Variants in U2SURP observed in about 807,000 individuals in gnomAD.
The protein encoded by U2SURP is U2 snRNP-associated SURP motif-containing protein.
Under a neutral mutation model 144.9 loss-of-function variants are expected in U2SURP, and 9 were observed. The ratio of observed to expected loss-of-function variants is 0.06; its 90% CI spans 0.04 to 0.11. The LOEUF is 0.11. Ranked by LOEUF, U2SURP falls within the 10% of genes least tolerant of loss-of-function variation. The pLI, the probability that U2SURP is intolerant of heterozygous loss-of-function variation, is 1.00. For synonymous variants in U2SURP, 408 were observed against 396.8 expected, an observed-to-expected ratio of 1.03 and a Z score of -0.33; for missense variants, 724 against 1,226.7, an observed-to-expected ratio of 0.59 and a Z score of 6.12.
intron 17 of U2SURP, 48 bp downstream of exon 17, chr3:143,032,994 G>T: frequency 6.3e-7 from 1 of 1,576,166 alleles, no homozygotes; most frequent in Non-Finnish European, 8.6e-7. Flanking sequence ...ACGTCTTTTG[G>T]GATTAGAATT....
rs1334914531 is a variant in U2SURP, at chr3:143,049,209, C to T, written c.2545-1730C>T. Among the ~76,000 whole-genome samples, 23 of 137,944 alleles carry T rather than the reference C, an allele frequency of 1.7e-4. No homozygotes were observed. In the Admixed American group the frequency reaches 1.7e-3, roughly 10 times the overall value. The allele number at this position is 137,944 out of a possible 152,430, so 90.5% of individuals were successfully genotyped here. A position where few individuals can be genotyped will look rare whatever the true frequency, so the allele number is the denominator to read the frequency against. ...TGAACCTGGGAGGTGGAGGTTGCAG[C>T]GAGCCGAGATTGTGCCACTGCACTC... is the stretch of plus-strand genomic sequence containing the variant. On this transcript the variant is annotated intron_variant, in intron 24 of 27. Transcript: ENST00000473835.
In U2SURP at chr3:143,059,351, C is replaced by T. The variant is rs940345632; in HGVS notation, c.*2901C>T. 6.6e-6 allele frequency: 1 copy of T among 152,312 alleles called. No individual in the cohort carries two copies. The highest frequency in any genetic ancestry group is 2.4e-5 in the African/African-American group (1 of 41,408). 9.4% of individuals were successfully genotyped at this position (152,312 alleles called of 1,614,324 possible). On this transcript the variant is annotated 3_prime_UTR_variant, in exon 28 of 28. Transcript: ENST00000473835. Reference sequence around the variant, plus strand: ...TGGGCTTACCCTGAGACTTTTATCCCAATTAGTGAATCTTGGAGGGAATAC... The same window carrying T: ...TGGGCTTACCCTGAGACTTTTATCCTAATTAGTGAATCTTGGAGGGAATAC...
chr3:143,004,853 T>C (rs1220991976), intron 1 of U2SURP, among the ~76,000 whole-genome samples: 1 of 152,132 alleles, frequency 6.6e-6, no homozygotes, highest in East Asian at 1.9e-4. Context: ...ATCACTAGTC[T>C]AAAATATTGC....
intron 27 of U2SURP, among the ~76,000 whole-genome samples, chr3:143,055,473 A>T (rs1935105130): frequency 6.6e-6 from 1 of 152,144 alleles, no homozygotes; most frequent in African/African-American, 2.4e-5. Context: ...TTTCCCCCAT[A>T]GCAATATTAT....
intron 1 of U2SURP, among the ~76,000 whole-genome samples, chr3:143,009,409 C>A (rs1040234879): frequency 2.6e-5 from 4 of 151,884 alleles, no homozygotes; most frequent in African/African-American, 9.7e-5. Context: ...ACCAGCCTGG[C>A]CAACGTGGTA....
chr3:143,016,641 A>G (rs564417587), intron 5 of U2SURP, among the ~76,000 whole-genome samples: 147 of 152,276 alleles, frequency 9.7e-4, no homozygotes, highest in African/African-American at 3.2e-3. Flanking sequence ...ACTTGTCACA[A>G]ATTTTAATAT....
At chr3:143,015,617 A>G (rs1057006152) in intron 4 of U2SURP, among the ~76,000 whole-genome samples, 1 of 152,034 alleles carries the variant, frequency 6.6e-6, no homozygotes, top group African/African-American at 2.4e-5. Flanking sequence ...TCATTTATTG[A>G]AAAGTTTGTC....
intron 16 of U2SURP, among the ~76,000 whole-genome samples, chr3:143,030,755 A>T (rs1351492327): frequency 6.6e-6 from 1 of 152,124 alleles, no homozygotes; most frequent in Non-Finnish European, 1.5e-5. Context: ...GCCATTAAGA[A>T]CATTTGTGGG....
At position 143,057,909 on chromosome 3, in the gene U2SURP, G is replaced by T. The variant is rs1386113973; in HGVS notation, c.*1459G>T. The T allele has an allele frequency of 6.6e-6, 1 of 152,342 alleles. No individual in the cohort carries two copies. The highest frequency in any genetic ancestry group is 1.5e-5 in the Non-Finnish European group (1 of 67,856). The allele number at this position is 152,342 out of a possible 1,614,324, so 9.4% of individuals were successfully genotyped here. Reference sequence around the variant, plus strand: ...CAGTGAGATACACTATTTCCAAACGGTGCACACCTACAGTAGCTTTGGAAA... The same window carrying T: ...CAGTGAGATACACTATTTCCAAACGTTGCACACCTACAGTAGCTTTGGAAA... On this transcript the variant is annotated 3_prime_UTR_variant, in exon 28 of 28. Transcript: ENST00000473835.
In U2SURP at chr3:143,059,918, A is replaced by C. The variant is rs1043866787; in HGVS notation, c.*3468A>C. 1.3e-5 allele frequency: 2 copies of C among 152,366 alleles called. No homozygotes were observed. Among genetic ancestry groups the C allele is most frequent in the Non-Finnish European group, 2.9e-5 (2 of 67,852 alleles). The allele number at this position is 152,366 out of a possible 1,614,324, so 9.4% of individuals were successfully genotyped here. A position where few individuals can be genotyped will look rare whatever the true frequency, so the allele number is the denominator to read the frequency against. Reference sequence around the variant, plus strand: ...GATTTTAGGGAGTGTTTAATTCATTATCCTTTTGACTTAAAATTTTTGTTA... The same window carrying C: ...GATTTTAGGGAGTGTTTAATTCATTCTCCTTTTGACTTAAAATTTTTGTTA... On this transcript the variant is annotated 3_prime_UTR_variant, in exon 28 of 28. Coordinates refer to ENST00000473835, the MANE Select transcript of U2SURP (RefSeq NM_001080415.2).
chr3:143,008,829 G>T (rs1369330760), intron 1 of U2SURP, among the ~76,000 whole-genome samples: 1 of 152,194 alleles, frequency 6.6e-6, no homozygotes, highest in Non-Finnish European at 1.5e-5. Context: ...GCAGTGGCGC[G>T]ATCTCAGCTC....
chr3:143,016,967 A>G lies in U2SURP; in HGVS notation c.562A>G (p.Lys188Glu). 1.9e-6 allele frequency: 3 copies of G among 1,576,466 alleles called. No individual in the cohort carries two copies. ...ACCATCTCTTCTTGTGATAGAAACC[A>G]AAAAACCTGTAAGTCATACTTAAGT... is the stretch of plus-strand genomic sequence containing the variant. ...RPPSLLVIETKKPPLKKGEKE... is the reference protein window; with the variant it reads ...RPPSLLVIETEKPPLKKGEKE... The change falls in exon 6 of 28, where the codon AAA becomes GAA. Residue 188 changes from lysine to glutamate, a missense_variant. Physicochemically the swap from Lys to Glu is moderately conservative, Grantham distance 56. Transcript: ENST00000473835.
At chr3:143,020,726 T>C in intron 8 of U2SURP, 33 bp downstream of exon 8, 9 of 1,526,670 alleles carry the variant, frequency 5.9e-6, no homozygotes, top group Non-Finnish European at 8.1e-6. Context: ...TGTATGCTTG[T>C]GATTAATTAC....
chr3:143,049,124 G>A (rs373374407), intron 24 of U2SURP, among the ~76,000 whole-genome samples: 3 of 150,798 alleles, frequency 2.0e-5, no homozygotes, highest in African/African-American at 2.4e-5. Flanking sequence ...TCAAAAATTA[G>A]GCTTGGTGGC....
chr3:143,002,039 C>T (rs1457708157), intron 1 of U2SURP, among the ~76,000 whole-genome samples: 4 of 152,222 alleles, frequency 2.6e-5, no homozygotes, highest in Non-Finnish European at 5.9e-5. Flanking sequence ...AGGCGGGAAT[C>T]GCTTCCCGGT....
intron 8 of U2SURP, 142 bp downstream of exon 8, chr3:143,020,835 A>T: frequency 4.8e-6 from 3 of 621,624 alleles, no homozygotes. Context: ...ACACATTCAT[A>T]GCTGTGGTAA....
intron 16 of U2SURP, among the ~76,000 whole-genome samples, chr3:143,031,149 A>C (rs1303452034): frequency 6.6e-6 from 1 of 152,200 alleles, no homozygotes; most frequent in Non-Finnish European, 1.5e-5. Flanking sequence ...GAGCAAATTA[A>C]GTGGTTTCTT....
intron 25 of U2SURP, among the ~76,000 whole-genome samples, chr3:143,051,627 AC>A (rs1934867477): frequency 1.3e-5 from 2 of 151,166 alleles, no homozygotes; most frequent in African/African-American, 2.4e-5. Context: ...AAAAAGAAAA[AC>A]CAATAATAAT....
chr3:143,051,847 C>A (rs748869602), intron 25 of U2SURP, among the ~76,000 whole-genome samples: 2 of 152,082 alleles, frequency 1.3e-5, no homozygotes, highest in Non-Finnish European at 2.9e-5. Context: ...TGGGTTGATA[C>A]TCCCAATTTT....
Sources: gnomAD v4.1 joint callset for allele counts (sites outside exome capture counted in the v4.1 genomes callset) on GRCh38, gnomAD v4.1.1 for gene constraint, MANE v1.5 for transcripts, NCBI Gene and HGNC (gene_info 2026-07-23, HGNC 2026-07-21) for gene names.